IL21R: variants seen among roughly 807,000 people sequenced by gnomAD.
The protein encoded by IL21R is interleukin-21 receptor.
Under a neutral mutation model 41.3 loss-of-function variants are expected in IL21R, and 14 were observed. The observed-to-expected ratio is 0.34, with a 90% confidence interval of 0.22 to 0.53. The LOEUF (loss-of-function observed/expected upper bound fraction) is 0.53, where lower values mean the gene tolerates loss of function less well. IL21R is among the 20% of genes least tolerant of loss of function. IL21R has a pLI of 0.94. For synonymous variants in IL21R, 286 were observed against 287.6 expected, an observed-to-expected ratio of 0.99 and a Z score of 0.05; for missense variants, 588 against 681.6, an observed-to-expected ratio of 0.86 and a Z score of 1.53.
At chr16:27,420,333 G>A (rs1017128495) in intron 1 of IL21R, among the ~76,000 whole-genome samples, 16 of 152,316 alleles carry the variant, frequency 1.1e-4, no homozygotes, top group African/African-American at 3.1e-4. Flanking sequence ...CTATGGGCCC[G>A]CCTATGTACA....
At chr16:27,410,400 T>C (rs1229108436) in intron 1 of IL21R, among the ~76,000 whole-genome samples, 1 of 152,208 alleles carries the variant, frequency 6.6e-6, no homozygotes, top group Non-Finnish European at 1.5e-5. Context: ...TTTTTGATGC[T>C]GATGTAAATG....
At chr16:27,445,302 G>C in intron 7 of IL21R, 26 bp downstream of exon 7, 1 of 1,527,314 alleles carries the variant, frequency 6.5e-7, no homozygotes, top group South Asian at 1.1e-5. Flanking sequence ...GAGGAAGGCA[G>C]GGAGGTGGTC....
intron 4 of IL21R, among the ~76,000 whole-genome samples, chr16:27,441,046 C>CAAAA (rs35321284): frequency 4.3e-4 from 29 of 67,196 alleles, no homozygotes; most frequent in East Asian, 7.6e-4. Flanking sequence ...GATTCTGTCT[C>CAAAA]AAAAAAAAAA....
chr16:27,405,142 C>T (rs2086721987), intron 1 of IL21R, among the ~76,000 whole-genome samples: 1 of 151,972 alleles, frequency 6.6e-6, no homozygotes, highest in South Asian at 2.1e-4. Context: ...AAGCGATTCT[C>T]CTGCCTCAGC....
In IL21R at chr16:27,449,454, A is replaced by G. The variant is rs2087551803; in HGVS notation, c.*171A>G. 6 of 650,824 alleles carry G rather than the reference A, an allele frequency of 9.2e-6. No homozygotes were observed. The African/African-American group carries it at 1.2e-4, about 13-fold the overall frequency. The allele number at this position is 650,824 out of a possible 1,614,324, so 40.3% of individuals were successfully genotyped here. ...TGTGTGCATATGTGTGTGTGTGCATATGCATGTGTGTGTGTGTGTGTGTCT... is the reference window on the plus strand; with the variant it reads ...TGTGTGCATATGTGTGTGTGTGCATGTGCATGTGTGTGTGTGTGTGTGTCT... On this transcript the variant is annotated 3_prime_UTR_variant, in exon 9 of 9. Transcript: ENST00000337929.
At chr16:27,418,104 C>G (rs930703603) in intron 1 of IL21R, among the ~76,000 whole-genome samples, 1 of 148,126 alleles carries the variant, frequency 6.8e-6, no homozygotes, top group Non-Finnish European at 1.5e-5. Flanking sequence ...GAGGTTCGCT[C>G]TATCGCCCAG....
intron 4 of IL21R, among the ~76,000 whole-genome samples, chr16:27,437,918 C>A (rs542677339): frequency 6.6e-6 from 1 of 152,328 alleles, no homozygotes; most frequent in Admixed American, 6.5e-5. Context: ...CTTGCCTTGG[C>A]CTCCCAAAGT....
rs530014107 is a variant in IL21R at position 27,437,008 on chromosome 16, G to A, written c.153-480G>A. ...AGGATCAGCTGAGCCTGGGAAGGTC[G>A]AGGCTGCAGTAAGCCATGATCACAC... On this transcript the variant is annotated intron_variant, in intron 3 of 8. Transcript: ENST00000337929. Among the ~76,000 whole-genome samples, 14 of 152,210 alleles carry A rather than the reference G, an allele frequency of 9.2e-5. No homozygotes were observed. In the South Asian group the frequency reaches 1.2e-3, roughly 14 times the overall value.
intron 2 of IL21R, among the ~76,000 whole-genome samples, chr16:27,430,750 G>A (rs185475090): frequency 2.0e-5 from 3 of 152,198 alleles, no homozygotes; most frequent in African/African-American, 7.2e-5. Flanking sequence ...GGGAGGTGGA[G>A]GTTACAGTGA....
chr16:27,421,233 G>T (rs2086994537), intron 1 of IL21R, among the ~76,000 whole-genome samples: 1 of 150,916 alleles, frequency 6.6e-6, no homozygotes, highest in African/African-American at 2.4e-5. Flanking sequence ...TTTGAAATAA[G>T]GAAGTTTGAC....
intron 1 of IL21R, among the ~76,000 whole-genome samples, chr16:27,418,567 TCAC>T (rs2086941135): frequency 6.6e-6 from 1 of 152,070 alleles, no homozygotes; most frequent in Admixed American, 6.5e-5. Flanking sequence ...AGACGGGGTT[TCAC>T]CATGTTAGCC....
chr16:27,448,599 C>T lies in IL21R; in HGVS notation c.933C>T (p.Pro311=). ...TGGGACCCTGGAGCCCAGAGGTGCC[C>T]TCCACCCTGGAGGTGTACAGCTGCC... ...LELGPWSPEV[P]STLEVYSCHP... The change falls in exon 9 of 9, where the codon CCC becomes CCT. Residue 311 remains proline (P), a synonymous_variant. Coordinates refer to ENST00000337929, the MANE Select transcript of IL21R (RefSeq NM_181078.3). 1 of 1,613,044 alleles carries T rather than the reference C, an allele frequency of 6.2e-7. No homozygotes were observed. The highest frequency in any genetic ancestry group is 8.5e-7 in the Non-Finnish European group (1 of 1,179,990).
At chr16:27,434,509 TC>T in intron 3 of IL21R, 60 bp downstream of exon 3, 2 of 1,061,882 alleles carry the variant, frequency 1.9e-6, no homozygotes, top group Non-Finnish European at 1.4e-6. Context: ...GCTCAGTGAT[TC>T]CCCCAGGAGG....
chr16:27,418,010 T>A (rs447180), intron 1 of IL21R, among the ~76,000 whole-genome samples: 1 of 55,070 alleles, frequency 1.8e-5, no homozygotes, highest in Admixed American at 2.2e-4. Context: ...TTTCCTATTT[T>A]ATTTATTTTA....
At chr16:27,411,146 A>G (rs2086815773) in intron 1 of IL21R, among the ~76,000 whole-genome samples, 1 of 152,098 alleles carries the variant, frequency 6.6e-6, no homozygotes, top group Non-Finnish European at 1.5e-5. Context: ...TCTCTTTGAG[A>G]TGCTGTTTTT....
chr16:27,440,290 G>A (rs3093355), intron 4 of IL21R, among the ~76,000 whole-genome samples: 3,842 of 134,034 alleles, frequency 0.029, 253 homozygotes, highest in African/African-American at 0.11. Flanking sequence ...GCGAGCAAGC[G>A]CGCGCCAGGG....
At chr16:27,432,709 G>T (rs3093315) in intron 2 of IL21R, among the ~76,000 whole-genome samples, 58,991 of 152,044 alleles carry the variant, frequency 0.39, 12,139 homozygotes, top group East Asian at 0.47. Flanking sequence ...GCTGGAACTA[G>T]CTCCTTTTCA....
rs35321284 is a variant in IL21R, at chr16:27,441,046, CAAAAAAAAA to C, written c.353-1904_353-1896del. Among the ~76,000 whole-genome samples, 600 of 68,366 alleles carry C rather than the reference CAAAAAAAAA, an allele frequency of 8.8e-3. 5 individuals are homozygous for C. The highest frequency in any genetic ancestry group is 0.029 in the African/African-American group (569 of 19,430). 44.9% of individuals were successfully genotyped at this position (68,366 alleles called of 152,430 possible). Reference sequence around the variant, plus strand: ...AGCCTGGGTGACAGAGATTCTGTCTCAAAAAAAAAAAAAAAAAAAAGAAAGAAGAGAAAA... The same window carrying C: ...AGCCTGGGTGACAGAGATTCTGTCTCAAAAAAAAAAAGAAAGAAGAGAAAA... On this transcript the variant is annotated intron_variant, in intron 4 of 8. Transcript: ENST00000337929.
At chr16:27,405,799 G>A (rs2086735060) in intron 1 of IL21R, among the ~76,000 whole-genome samples, 1 of 152,146 alleles carries the variant, frequency 6.6e-6, no homozygotes, top group Non-Finnish European at 1.5e-5. Flanking sequence ...GAGTAAACTT[G>A]GAACTTCTGA....
Sources: gnomAD v4.1 joint callset for allele counts (sites outside exome capture counted in the v4.1 genomes callset) on GRCh38, gnomAD v4.1.1 for gene constraint, MANE v1.5 for transcripts, NCBI Gene and HGNC (gene_info 2026-07-23, HGNC 2026-07-21) for gene names.